DOCK4: variants seen among roughly 807,000 people sequenced by gnomAD.
DOCK4 encodes the protein dedicator of cytokinesis protein 4.
A neutral mutation model predicts 268.1 loss-of-function variants in DOCK4; 97 were observed. The ratio of observed to expected loss-of-function variants is 0.36; its 90% CI spans 0.31 to 0.43. DOCK4 has a LOEUF of 0.43. DOCK4 is among the 20% of genes least tolerant of loss of function. The pLI, the probability that DOCK4 is intolerant of heterozygous loss-of-function variation, is 1.00. For synonymous variants in DOCK4, 954 were observed against 887.2 expected, an observed-to-expected ratio of 1.08 and a Z score of -1.34; for missense variants, 2,145 against 2,455.7, an observed-to-expected ratio of 0.87 and a Z score of 2.67.
intron 17 of DOCK4, among the ~76,000 whole-genome samples, chr7:111,874,746 C>A (rs1030375136): frequency 2.6e-5 from 4 of 152,176 alleles, no homozygotes; most frequent in African/African-American, 9.7e-5. Context: ...GACCCCTAAT[C>A]CTCTGAACCT....
intron 1 of DOCK4, among the ~76,000 whole-genome samples, chr7:112,005,590 C>T (rs150744357): frequency 6.6e-6 from 1 of 152,290 alleles, no homozygotes; most frequent in East Asian, 1.9e-4. Flanking sequence ...CTTTCAGAGA[C>T]CTCTTCTTAC....
intron 1 of DOCK4, among the ~76,000 whole-genome samples, chr7:112,092,345 A>G (rs1809715282): frequency 6.6e-6 from 1 of 152,110 alleles, no homozygotes; most frequent in Non-Finnish European, 1.5e-5. Flanking sequence ...TTCACATTTT[A>G]TTTTTTAATC....
chr7:111,800,730 C>CA (rs1353868046), intron 30 of DOCK4, among the ~76,000 whole-genome samples: 2 of 152,132 alleles, frequency 1.3e-5, no homozygotes, highest in African/African-American at 4.8e-5. Flanking sequence ...CAAAGCCAAA[C>CA]ACAGACACGC....
At chr7:112,010,013 C>T (rs574486656) in intron 1 of DOCK4, among the ~76,000 whole-genome samples, 134 of 152,214 alleles carry the variant, frequency 8.8e-4, no homozygotes, top group African/African-American at 2.8e-3. Flanking sequence ...GATGGGGTTT[C>T]GCCATATTGC....
chr7:112,089,794 T>C (rs778191369), intron 1 of DOCK4, among the ~76,000 whole-genome samples: 5 of 152,160 alleles, frequency 3.3e-5, no homozygotes, highest in Non-Finnish European at 7.4e-5. Flanking sequence ...TCCGCCATGA[T>C]GAAAGTTTCC....
intron 30 of DOCK4, among the ~76,000 whole-genome samples, chr7:111,795,170 G>A (rs1185936516): frequency 1.3e-5 from 2 of 152,124 alleles, no homozygotes; most frequent in Admixed American, 1.3e-4. Context: ...CCTGGGCCTT[G>A]TCAAATAACC....
intron 17 of DOCK4, among the ~76,000 whole-genome samples, chr7:111,876,754 T>G (rs1163501249): frequency 4.6e-5 from 7 of 151,760 alleles, no homozygotes; most frequent in African/African-American, 9.7e-5. Context: ...TTTCGTTTTT[T>G]TTTTTTTTTT....
intron 32 of DOCK4, 157 bp from the exon 33 acceptor site, chr7:111,784,280 C>T (rs1039712814): frequency 1.9e-5 from 16 of 846,170 alleles, no homozygotes; most frequent in Middle Eastern, 2.2e-4. Flanking sequence ...CAGAGGCTTG[C>T]GTCTTACCAC....
intron 30 of DOCK4, among the ~76,000 whole-genome samples, chr7:111,796,976 T>C (rs1799939688): frequency 6.6e-6 from 1 of 152,158 alleles, no homozygotes; most frequent in Non-Finnish European, 1.5e-5. Flanking sequence ...CGGAGAATGC[T>C]CCCTGTCTTC....
At position 112,104,898 on chromosome 7, in the gene DOCK4, T is replaced by C. The variant is rs1024659976; in HGVS notation, c.38-100767A>G. Among the ~76,000 whole-genome samples the C allele has an allele frequency of 3.9e-5, 6 of 152,330 alleles. No homozygotes were observed. In the South Asian group the frequency reaches 8.3e-4, roughly 21 times the overall value. On this transcript the variant is annotated intron_variant, in intron 1 of 52. Transcript: ENST00000428084. The stretch of plus-strand genomic sequence containing the variant: ...TAAATGATATATCAATAATAAGCAG[T>C]AAATGAGCTCAAAGATGAGATCAGT...
At chr7:111,887,030 G>C (rs935666891) in intron 16 of DOCK4, among the ~76,000 whole-genome samples, 3 of 152,092 alleles carry the variant, frequency 2.0e-5, no homozygotes, top group African/African-American at 7.2e-5. Context: ...AAAGCCTTGG[G>C]ATTACCCCCA....
At chr7:112,129,347 G>A (rs150662325) in intron 1 of DOCK4, among the ~76,000 whole-genome samples, 1,908 of 152,292 alleles carry the variant, frequency 0.013, 13 homozygotes, top group Middle Eastern at 0.024. Context: ...GAACAAACAA[G>A]TATTTATTAG....
rs2116125910 is a variant in DOCK4, at chr7:112,132,497, A to G, written c.37+73605T>C. 1.3e-5 allele frequency among the ~76,000 whole-genome samples: 2 copies of G among 152,300 alleles called. 1 individual carries two copies. On this transcript the variant is annotated intron_variant, in intron 1 of 52. Coordinates refer to ENST00000428084, the MANE Select transcript of DOCK4 (RefSeq NM_001363540.2). ...CATCAACAACATTCACACAGAGATG[A>G]TATCTAGAAACAACACAAAGATTGA...
intron 20 of DOCK4, among the ~76,000 whole-genome samples, chr7:111,870,558 A>G (rs1278481704): frequency 1.3e-5 from 2 of 151,898 alleles, no homozygotes; most frequent in Non-Finnish European, 2.9e-5. Context: ...CTGACCTCAA[A>G]TGATCTGTCC....
intron 1 of DOCK4, among the ~76,000 whole-genome samples, chr7:112,105,251 T>C (rs887806332): frequency 1.3e-5 from 2 of 152,158 alleles, no homozygotes; most frequent in African/African-American, 2.4e-5. Flanking sequence ...CTTAATAAGT[T>C]ATGGAAAATT....
At chr7:111,774,601 G>A (rs1055126542) in intron 36 of DOCK4, among the ~76,000 whole-genome samples, 1 of 152,162 alleles carries the variant, frequency 6.6e-6, no homozygotes, top group Non-Finnish European at 1.5e-5. Context: ...AACTTCAGGA[G>A]GGGGATGGCT....
At chr7:112,197,615 AT>A (rs1217073761) in intron 1 of DOCK4, among the ~76,000 whole-genome samples, 2 of 152,200 alleles carry the variant, frequency 1.3e-5, no homozygotes. Context: ...TGGACAGCTA[AT>A]ATTTCTTACT....
chr7:111,839,385 T>C (rs1018910792), intron 25 of DOCK4, among the ~76,000 whole-genome samples: 7 of 152,202 alleles, frequency 4.6e-5, no homozygotes, highest in African/African-American at 1.7e-4. Flanking sequence ...AGCTACTAGA[T>C]TAATTTTCCT....
chr7:111,754,014 T>C (rs1280501478), intron 42 of DOCK4, among the ~76,000 whole-genome samples: 5 of 152,244 alleles, frequency 3.3e-5, no homozygotes, highest in African/African-American at 2.4e-5. Context: ...GCTAGGACCA[T>C]TGATGAGACT....
Sources: gnomAD v4.1 joint callset for allele counts (sites outside exome capture counted in the v4.1 genomes callset) on GRCh38, gnomAD v4.1.1 for gene constraint, MANE v1.5 for transcripts, NCBI Gene and HGNC (gene_info 2026-07-23, HGNC 2026-07-21) for gene names.